CTDSPL2: variants seen among roughly 807,000 people sequenced by gnomAD.
CTDSPL2 encodes CTD small phosphatase-like protein 2.
In CTDSPL2, 5 loss-of-function variants were observed where a neutral mutation model predicts 60.0. That is an observed-to-expected ratio of 0.08 (90% CI 0.04 to 0.18). The LOEUF is 0.18. CTDSPL2 is among the 10% of genes least tolerant of loss of function. The pLI is 1.00. For synonymous variants in CTDSPL2, 186 were observed against 189.3 expected (o/e 0.98, Z 0.14); for missense variants, 370 against 548.8 (o/e 0.67, Z 3.26).
chr15:44,474,909 C>T (rs2080885028), intron 2 of CTDSPL2, among the ~76,000 whole-genome samples: 1 of 152,014 alleles, frequency 6.6e-6, no homozygotes, highest in South Asian at 2.1e-4. Context: ...GTACCAGTTA[C>T]TATATACACC....
chr15:44,506,134 A>T (rs926408790), intron 8 of CTDSPL2, among the ~76,000 whole-genome samples: 1 of 150,832 alleles, frequency 6.6e-6, no homozygotes, highest in Non-Finnish European at 1.5e-5. Context: ...GGTTCAAGAA[A>T]TTCTCCTGCC....
intron 2 of CTDSPL2, among the ~76,000 whole-genome samples, chr15:44,480,316 C>T (rs1033970899): frequency 6.6e-5 from 10 of 152,316 alleles, no homozygotes; most frequent in African/African-American, 2.4e-4. Context: ...CTTCTTTTCT[C>T]AGGTGTGCCA....
chr15:44,462,662 C>T (rs1168260351), intron 2 of CTDSPL2, among the ~76,000 whole-genome samples: 1 of 150,994 alleles, frequency 6.6e-6, no homozygotes, highest in East Asian at 1.9e-4. Context: ...CGTTCCATGG[C>T]CCAGAGGCTG....
rs557510037 is a variant in CTDSPL2 at position 44,433,909 on chromosome 15, C to T, written c.-25+6137C>T. Among the ~76,000 whole-genome samples, 12 of 147,302 alleles carry T rather than the reference C, an allele frequency of 8.1e-5. No homozygotes were observed. The South Asian group carries it at 2.2e-3, about 27-fold the overall frequency. On this transcript the variant is annotated intron_variant, in intron 1 of 12. Coordinates refer to ENST00000260327, the MANE Select transcript of CTDSPL2 (RefSeq NM_016396.3). ...TGGAGGTTGCAGTGAATCGAGATTGCGCCACTGCACTCCAGCCTGGGCAAC... is the reference window on the plus strand; with the variant it reads ...TGGAGGTTGCAGTGAATCGAGATTGTGCCACTGCACTCCAGCCTGGGCAAC...
intron 1 of CTDSPL2, among the ~76,000 whole-genome samples, chr15:44,430,359 C>T (rs1478142934): frequency 6.6e-6 from 1 of 152,088 alleles, no homozygotes; most frequent in African/African-American, 2.4e-5. Context: ...AGTCCTCCTG[C>T]TTCAGCCTCC....
chr15:44,497,571 C>G (rs946523177), intron 7 of CTDSPL2, among the ~76,000 whole-genome samples: 1 of 152,156 alleles, frequency 6.6e-6, no homozygotes, highest in African/African-American at 2.4e-5. Flanking sequence ...GGGGTTTCAC[C>G]TTGTTAGCCA....
intron 1 of CTDSPL2, among the ~76,000 whole-genome samples, chr15:44,451,732 A>T (rs1287764481): frequency 1.3e-5 from 2 of 152,222 alleles, no homozygotes; most frequent in African/African-American, 4.8e-5. Flanking sequence ...GTTGTTTAGC[A>T]GTAACTTCCA....
chr15:44,457,930 TAA>T (rs1260237019), intron 1 of CTDSPL2, among the ~76,000 whole-genome samples: 1 of 152,224 alleles, frequency 6.6e-6, no homozygotes, highest in Non-Finnish European at 1.5e-5. Flanking sequence ...TTCTATTTTT[TAA>T]AAAGTTTCTT....
chr15:44,488,578 C>G (rs958585755), intron 4 of CTDSPL2, among the ~76,000 whole-genome samples: 1 of 152,028 alleles, frequency 6.6e-6, no homozygotes, highest in African/African-American at 2.4e-5. Flanking sequence ...TTTGGGAGGC[C>G]GAGATGGGCG....
At chr15:44,487,856 C>G (rs1261474803) in intron 4 of CTDSPL2, among the ~76,000 whole-genome samples, 1 of 152,100 alleles carries the variant, frequency 6.6e-6, no homozygotes, top group Non-Finnish European at 1.5e-5. Context: ...TGGCTTATAC[C>G]TGTAATCACA....
At chr15:44,443,748 A>G (rs753317077) in intron 1 of CTDSPL2, among the ~76,000 whole-genome samples, 1 of 152,030 alleles carries the variant, frequency 6.6e-6, no homozygotes, top group Non-Finnish European at 1.5e-5. Flanking sequence ...TCCTTTGCAC[A>G]TTTTTGAATC....
In CTDSPL2 at chr15:44,512,032, C is replaced by CA. The variant is rs199648406; in HGVS notation, c.970-2557dup. Among the ~76,000 whole-genome samples, 184 of 150,392 alleles carry CA rather than the reference C, an allele frequency of 1.2e-3. 1 individual carries two copies. The highest frequency in any genetic ancestry group is 4.3e-3 in the African/African-American group (178 of 41,034). ...TGAGATAGTGAGAGCCCATCTCTAC[C>CA]AAAAAAAAATTGTTTAAAGCCAGGC... On this transcript the variant is annotated intron_variant, in intron 8 of 12. Coordinates refer to ENST00000260327, the MANE Select transcript of CTDSPL2 (RefSeq NM_016396.3).
intron 2 of CTDSPL2, among the ~76,000 whole-genome samples, chr15:44,474,653 C>T (rs1448538403): frequency 3.3e-5 from 5 of 151,930 alleles, no homozygotes; most frequent in South Asian, 4.2e-4. Context: ...GTCAAGAGTT[C>T]GAGACCAGCC....
intron 1 of CTDSPL2, among the ~76,000 whole-genome samples, chr15:44,436,476 T>C (rs988230941): frequency 6.6e-6 from 1 of 152,208 alleles, no homozygotes; most frequent in Admixed American, 6.5e-5. Flanking sequence ...GTTTGTTTAT[T>C]TTTTAGGTAA....
At chr15:44,434,693 C>G (rs1595689093) in intron 1 of CTDSPL2, among the ~76,000 whole-genome samples, 1 of 151,784 alleles carries the variant, frequency 6.6e-6, no homozygotes, top group Admixed American at 6.6e-5. Flanking sequence ...AGTCACTGTG[C>G]CCGGCCAAAA....
chr15:44,479,227 G>A (rs75288235), intron 2 of CTDSPL2, among the ~76,000 whole-genome samples: 15,047 of 151,882 alleles, frequency 0.099, 1,542 homozygotes, highest in African/African-American at 0.24. Flanking sequence ...GCTCTCAAAA[G>A]AACAAAATTG....
At chr15:44,429,248 G>A (rs2079807808) in intron 1 of CTDSPL2, among the ~76,000 whole-genome samples, 1 of 152,112 alleles carries the variant, frequency 6.6e-6, no homozygotes, top group Non-Finnish European at 1.5e-5. Context: ...GAGTTTTTTA[G>A]GATTAAGTTG....
At chr15:44,472,419 C>T (rs2080829627) in intron 2 of CTDSPL2, among the ~76,000 whole-genome samples, 2 of 152,184 alleles carry the variant, frequency 1.3e-5, no homozygotes, top group South Asian at 2.1e-4. Context: ...TTTTGATTTG[C>T]ATTTCCCTAA....
intron 2 of CTDSPL2, among the ~76,000 whole-genome samples, chr15:44,460,907 C>A (rs1329571856): frequency 2.0e-5 from 3 of 152,112 alleles, no homozygotes; most frequent in Non-Finnish European, 2.9e-5. Flanking sequence ...TTGATGGGAA[C>A]CTTGCTACGT....
Sources: gnomAD v4.1 joint callset for allele counts (sites outside exome capture counted in the v4.1 genomes callset) on GRCh38, gnomAD v4.1.1 for gene constraint, MANE v1.5 for transcripts, NCBI Gene and HGNC (gene_info 2026-07-23, HGNC 2026-07-21) for gene names.